TRPC5: variants seen among roughly 807,000 people sequenced by gnomAD.
TRPC5 encodes short transient receptor potential channel 5.
Under a neutral mutation model 56.5 loss-of-function variants are expected in TRPC5, and 9 were observed. That is an observed-to-expected ratio of 0.16 (90% confidence interval 0.10 to 0.28). The LOEUF (loss-of-function observed/expected upper bound fraction) is 0.28. Ranked by LOEUF, TRPC5 falls within the 10% of genes least tolerant of loss-of-function variation. The pLI, the probability that TRPC5 is intolerant of heterozygous loss-of-function variation, is 1.00. For synonymous variants in TRPC5, 282 were observed against 278.5 expected (o/e 1.01, Z -0.13); for missense variants, 469 against 748.9 (o/e 0.63, Z 4.36).
rs1603051105 is a variant in TRPC5 at position 111,839,710 on chromosome X, A to T, written c.1701-4594T>A. 3.6e-5 allele frequency among the ~76,000 whole-genome samples: 4 copies of T among 110,555 alleles called. No homozygotes were observed. In the South Asian group the frequency reaches 1.5e-3, roughly 42 times the overall value. ...CATATACTTTTTCATTTTTATTTTTATATTTATTTATTTATTTATTTTTAG... is the reference window on the plus strand; with the variant it reads ...CATATACTTTTTCATTTTTATTTTTTTATTTATTTATTTATTTATTTTTAG... On this transcript the variant is annotated intron_variant, in intron 6 of 10. Coordinates refer to ENST00000262839, the MANE Select transcript of TRPC5 (RefSeq NM_012471.3).
At chrX:111,838,288 A>G (rs1366639530) in intron 6 of TRPC5, among the ~76,000 whole-genome samples, 1 of 111,004 alleles carries the variant, frequency 9.0e-6, no homozygotes, top group African/African-American at 3.3e-5. Flanking sequence ...TCAAAATATT[A>G]CAGTGTGGTC....
At chrX:111,859,041 G>T (rs781073727) in intron 3 of TRPC5, among the ~76,000 whole-genome samples, 5 of 111,627 alleles carry the variant, frequency 4.5e-5, no homozygotes, top group Non-Finnish European at 7.5e-5. Flanking sequence ...TTTGGTCTTG[G>T]ATTGACTGCA....
chrX:111,888,631 T>C (rs1161280808), intron 3 of TRPC5, among the ~76,000 whole-genome samples: 1 of 90,150 alleles, frequency 1.1e-5, no homozygotes, highest in African/African-American at 4.4e-5. Flanking sequence ...GAGGTGGAGG[T>C]TGTGGTGAGC....
intron 1 of TRPC5, among the ~76,000 whole-genome samples, chrX:111,991,045 G>A (rs1019105277): frequency 9.9e-5 from 11 of 111,627 alleles, no homozygotes; most frequent in African/African-American, 3.2e-4. Context: ...AAATTGATCA[G>A]AAACTACTCT....
chrX:111,905,914 C>CAAAA (rs1202912083), intron 3 of TRPC5, among the ~76,000 whole-genome samples: 35 of 36,903 alleles, frequency 9.5e-4, no homozygotes, highest in African/African-American at 3.7e-3. Context: ...GTCTCTGTCT[C>CAAAA]AAAAAAAAAA....
At chrX:112,050,745 G>A (rs1395322441) in intron 1 of TRPC5, among the ~76,000 whole-genome samples, 1 of 111,976 alleles carries the variant, frequency 8.9e-6, no homozygotes, top group East Asian at 2.8e-4. Flanking sequence ...CGAGGAAAGA[G>A]TGGAAAAAAC....
chrX:111,839,246 A>G (rs771010071), intron 6 of TRPC5, among the ~76,000 whole-genome samples: 1 of 111,033 alleles, frequency 9.0e-6, no homozygotes, highest in African/African-American at 3.3e-5. Context: ...TTGAAGCCCC[A>G]CCTCCTCTAG....
chrX:112,027,915 G>A (rs192241454), intron 1 of TRPC5, among the ~76,000 whole-genome samples: 39 of 112,013 alleles, frequency 3.5e-4, no homozygotes, highest in African/African-American at 1.2e-3. Context: ...TACTTATTCC[G>A]TACATATAAA....
intron 1 of TRPC5, among the ~76,000 whole-genome samples, chrX:112,042,837 C>A (rs12006677): frequency 0.12 from 13,331 of 110,385 alleles, 681 homozygotes; most frequent in African/African-American, 0.16. Context: ...AATTTCCCCT[C>A]CTTCCAGGCA....
At chrX:112,074,427 C>T (rs1252892293) in intron 1 of TRPC5, among the ~76,000 whole-genome samples, 3 of 110,116 alleles carry the variant, frequency 2.7e-5, no homozygotes, top group Non-Finnish European at 5.7e-5. Context: ...CCTGCCATTG[C>T]TTGCTCCTCC....
intron 2 of TRPC5, among the ~76,000 whole-genome samples, chrX:111,944,351 G>A (rs1926878871): frequency 1.0e-5 from 1 of 99,869 alleles, no homozygotes; most frequent in African/African-American, 3.7e-5. Context: ...CGAACAAGTG[G>A]GTTTGAAATA....
At chrX:111,881,506 TA>T (rs1924219061) in intron 3 of TRPC5, among the ~76,000 whole-genome samples, 1 of 111,535 alleles carries the variant, frequency 9.0e-6, no homozygotes, top group Non-Finnish European at 1.9e-5. Context: ...ACAAATTTGT[TA>T]CCAAATGTCG....
chrX:111,953,141 T>C (rs1007217509), intron 1 of TRPC5, among the ~76,000 whole-genome samples: 1 of 111,873 alleles, frequency 8.9e-6, no homozygotes, highest in Non-Finnish European at 1.9e-5. Flanking sequence ...GGGTATTGAC[T>C]CCAATAGGCC....
chrX:111,959,591 G>T (rs1349220292), intron 1 of TRPC5, among the ~76,000 whole-genome samples: 1 of 111,735 alleles, frequency 8.9e-6, no homozygotes, highest in Non-Finnish European at 1.9e-5. Context: ...TGAGGGCGAT[G>T]GGACATAATC....
At chrX:111,851,510 GGTGTGT>G (rs563243659) in intron 5 of TRPC5, among the ~76,000 whole-genome samples, 136 of 99,053 alleles carry the variant, frequency 1.4e-3, no homozygotes, top group Non-Finnish European at 2.1e-3. Flanking sequence ...GTATTAAGGT[GGTGTGT>G]GTGTGTGTGT....
chrX:112,058,507 G>A (rs868636380), intron 1 of TRPC5, among the ~76,000 whole-genome samples: 1 of 111,955 alleles, frequency 8.9e-6, no homozygotes, highest in South Asian at 3.8e-4. Flanking sequence ...AGAGGAAAGC[G>A]TCACTCTCAG....
intron 1 of TRPC5, among the ~76,000 whole-genome samples, chrX:111,974,135 G>A (rs138655841): frequency 0.017 from 1,872 of 112,035 alleles, 42 homozygotes; most frequent in African/African-American, 0.057. Context: ...CATATTATAT[G>A]GTGATTTTCA....
At chrX:111,913,828 C>T (rs926870859) in intron 2 of TRPC5, among the ~76,000 whole-genome samples, 9 of 109,839 alleles carry the variant, frequency 8.2e-5, no homozygotes, top group South Asian at 4.1e-4. Context: ...GGCATGGTGG[C>T]GGGCGCCTGT....
At chrX:111,936,934 G>T (rs368946144) in intron 2 of TRPC5, among the ~76,000 whole-genome samples, 2,627 of 103,331 alleles carry the variant, frequency 0.025, 136 homozygotes, top group Middle Eastern at 0.069. Flanking sequence ...ACTTCCACAA[G>T]GGTTGAACTA....
Sources: gnomAD v4.1 joint callset for allele counts (sites outside exome capture counted in the v4.1 genomes callset) on GRCh38, gnomAD v4.1.1 for gene constraint, MANE v1.5 for transcripts, NCBI Gene and HGNC (gene_info 2026-07-23, HGNC 2026-07-21) for gene names.